RGS9: variants seen among roughly 807,000 people sequenced by gnomAD.
RGS9 encodes regulator of G protein signaling 9.
RGS9 carries 78 observed loss-of-function variants against 102.0 expected under a neutral mutation model. That is an observed-to-expected ratio of 0.76 (90% CI 0.64 to 0.92). The LOEUF (loss-of-function observed/expected upper bound fraction) is 0.92. RGS9 is among the 40% of genes least tolerant of loss of function. The pLI, the probability that RGS9 is intolerant of heterozygous loss-of-function variation, is 0.00. For missense variants in RGS9, 833 were observed against 866.1 expected (o/e 0.96, Z 0.48); for synonymous variants, 353 against 318.6 (o/e 1.11, Z -1.15).
intron 2 of RGS9, among the ~76,000 whole-genome samples, chr17:65,156,076 T>C (rs2014681): frequency 0.1 from 15,389 of 152,194 alleles, 1,782 homozygotes; most frequent in East Asian, 0.51. Flanking sequence ...CAGGCTGGAG[T>C]GCAGTGGCAC....
chr17:65,169,093 C>T (rs1911309727), intron 8 of RGS9, among the ~76,000 whole-genome samples: 1 of 152,148 alleles, frequency 6.6e-6, no homozygotes, highest in Admixed American at 6.5e-5. Flanking sequence ...CCTTGCCTGC[C>T]AGGTATCAGA....
intron 9 of RGS9, among the ~76,000 whole-genome samples, chr17:65,183,736 G>A (rs1475468074): frequency 6.6e-6 from 1 of 152,152 alleles, no homozygotes; most frequent in South Asian, 2.1e-4. Flanking sequence ...TCCGTGGCTT[G>A]CTTGGCCCCC....
At chr17:65,223,589 C>A (rs1037032141) in intron 17 of RGS9, among the ~76,000 whole-genome samples, 13 of 152,226 alleles carry the variant, frequency 8.5e-5, no homozygotes. Flanking sequence ...GGGCTACCTC[C>A]TTCAGCCCGG....
intron 1 of RGS9, among the ~76,000 whole-genome samples, chr17:65,139,471 C>A (rs421516): frequency 0.83 from 126,521 of 151,894 alleles, 56,658 homozygotes; most frequent in Non-Finnish European, 0.99. Context: ...TGCCTGCCTT[C>A]CACACCTGCC....
Position 65,201,919 on chromosome 17 carries a change from CTTTTA to C in RGS9, c.977-70_977-66del, listed in dbSNP as rs1912864802. 3 of 950,452 alleles carry C rather than the reference CTTTTA, an allele frequency of 3.2e-6. No individual in the cohort carries two copies. In the Admixed American group the frequency reaches 1.0e-4, roughly 32 times the overall value. 58.9% of individuals were successfully genotyped at this position (950,452 alleles called of 1,614,324 possible). ...GGAATCCATCCCGGTTGACTCATTTCTTTTATTTCCTCTTTTCTTCTTCCAACTTA... is the reference window on the plus strand; with the variant it reads ...GGAATCCATCCCGGTTGACTCATTTCTTTCCTCTTTTCTTCTTCCAACTTA... On this transcript the variant is annotated intron_variant, in intron 13 of 18. Coordinates refer to ENST00000262406, the MANE Select transcript of RGS9 (RefSeq NM_003835.4).
At chr17:65,167,211 T>A (rs1385609514) in intron 7 of RGS9, among the ~76,000 whole-genome samples, 1 of 151,932 alleles carries the variant, frequency 6.6e-6, no homozygotes, top group Non-Finnish European at 1.5e-5. Flanking sequence ...ATTTATTTAT[T>A]TTTTTTTGAG....
chr17:65,160,803 G>A (rs368528531), intron 5 of RGS9, 48 bp from the exon 6 acceptor site: 69 of 1,587,368 alleles, frequency 4.3e-5, no homozygotes, highest in East Asian at 2.2e-5. Flanking sequence ...GGCTGCAGAT[G>A]GGGTTTTGAA....
At chr17:65,212,193 G>A (rs2144112536) in intron 17 of RGS9, among the ~76,000 whole-genome samples, 1 of 152,282 alleles carries the variant, frequency 6.6e-6, no homozygotes, top group Admixed American at 6.5e-5. Context: ...TAGATTCAAG[G>A]GGCAAGGAAA....
intron 3 of RGS9, among the ~76,000 whole-genome samples, chr17:65,159,885 T>C (rs986388761): frequency 2.0e-5 from 3 of 152,212 alleles, no homozygotes; most frequent in African/African-American, 4.8e-5. Context: ...TCCTGTGACC[T>C]TTCCCAGACC....
chr17:65,209,007 A>C (rs1487802912), intron 16 of RGS9, among the ~76,000 whole-genome samples: 1 of 152,206 alleles, frequency 6.6e-6, no homozygotes, highest in Non-Finnish European at 1.5e-5. Flanking sequence ...CTTCTACTTT[A>C]AGCCAGAAGA....
At chr17:65,208,058 G>T in intron 16 of RGS9, 51 bp downstream of exon 16, 1 of 1,259,202 alleles carries the variant, frequency 7.9e-7, no homozygotes, top group South Asian at 1.2e-5. Flanking sequence ...AGTTTACAGA[G>T]AAGTGAGGGT....
chr17:65,194,813 G>A (rs912037887), intron 12 of RGS9, among the ~76,000 whole-genome samples: 8 of 152,170 alleles, frequency 5.3e-5, no homozygotes, highest in Non-Finnish European at 1.2e-4. Context: ...CCAGGTATAG[G>A]TCACAGCTTG....
rs780542933 is a variant in RGS9, at chr17:65,225,271, C to T, written c.1677C>T (p.Ala559=). ...CCTCTGTCACCGAGAGCAGCGAGGC[C>T]TCCCTCGACACCTCCTGGCCTCGCA... ...RGPSVTESSE[A]SLDTSWPRSR... Residue 559 remains alanine (A), a synonymous_variant, in exon 18 of 19, where the codon GCC becomes GCT. Transcript: ENST00000262406. 6.2e-7 allele frequency: 1 copy of T among 1,608,934 alleles called. No homozygotes were observed. Among genetic ancestry groups the T allele is most frequent in the Non-Finnish European group, 8.5e-7 (1 of 1,179,964 alleles).
chr17:65,215,412 C>T (rs1351808937), intron 17 of RGS9, among the ~76,000 whole-genome samples: 4 of 152,134 alleles, frequency 2.6e-5, no homozygotes, highest in East Asian at 1.9e-4. Context: ...GAGTCCCAGA[C>T]GAAAATGTGT....
At chr17:65,210,071 C>G (rs1411630728) in intron 16 of RGS9, among the ~76,000 whole-genome samples, 1 of 152,118 alleles carries the variant, frequency 6.6e-6, no homozygotes, top group Non-Finnish European at 1.5e-5. Context: ...CAGAGAGACT[C>G]TGTCCCCGCT....
intron 1 of RGS9, among the ~76,000 whole-genome samples, chr17:65,137,946 CT>C (rs1030479772): frequency 5.3e-5 from 8 of 151,870 alleles, no homozygotes; most frequent in South Asian, 2.1e-4. Flanking sequence ...CCATTTTTGC[CT>C]TTTTTTTCTG....
intron 2 of RGS9, among the ~76,000 whole-genome samples, chr17:65,156,979 C>G (rs376685166): frequency 6.6e-6 from 1 of 152,238 alleles, no homozygotes; most frequent in African/African-American, 2.4e-5. Flanking sequence ...AGGGTGTGGG[C>G]ATGAAGGGAA....
At chr17:65,191,674 G>A (rs1010598240) in intron 11 of RGS9, among the ~76,000 whole-genome samples, 4 of 152,132 alleles carry the variant, frequency 2.6e-5, no homozygotes, top group Non-Finnish European at 4.4e-5. Context: ...TTGAACCCAG[G>A]AGGAGGTGGC....
chr17:65,158,350 G>C lies in RGS9; in HGVS notation c.205+5G>C. The C allele has an allele frequency of 6.2e-7, 1 of 1,613,784 alleles. No homozygotes were observed. The highest frequency in any genetic ancestry group is 1.1e-5 in the South Asian group (1 of 91,072). On this transcript the variant is annotated splice_donor_5th_base_variant and intron_variant, in intron 3 of 18. Transcript: ENST00000262406. Reference sequence around the variant, plus strand: ...GGCTTTGGATCTCCAGTCTGGGTGAGAGCTCATCTGGCACTCAGTTATCCG... The same window carrying C: ...GGCTTTGGATCTCCAGTCTGGGTGACAGCTCATCTGGCACTCAGTTATCCG...
Sources: gnomAD v4.1 joint callset for allele counts (sites outside exome capture counted in the v4.1 genomes callset) on GRCh38, gnomAD v4.1.1 for gene constraint, MANE v1.5 for transcripts, NCBI Gene and HGNC (gene_info 2026-07-23, HGNC 2026-07-21) for gene names.